CALN1: variants seen among roughly 807,000 people sequenced by gnomAD.
CALN1 encodes calneuron 1.
Under a neutral mutation model 30.6 loss-of-function variants are expected in CALN1, and 17 were observed. The ratio of observed to expected loss-of-function variants is 0.56; its 90% CI spans 0.38 to 0.83. CALN1 has a LOEUF of 0.83. Ranked by LOEUF, CALN1 falls within the 40% of genes least tolerant of loss-of-function variation. The pLI, the probability that CALN1 is intolerant of heterozygous loss-of-function variation, is 0.00. For synonymous variants in CALN1, 156 were observed against 131.4 expected, an observed-to-expected ratio of 1.19 and a Z score of -1.28; for missense variants, 291 against 354.9, an observed-to-expected ratio of 0.82 and a Z score of 1.45.
chr7:72,499,043 T>A, the CALN1 span, among the ~76,000 whole-genome samples: 356 of 152,270 alleles, frequency 2.3e-3, 5 homozygotes, highest in African/African-American at 8.2e-3. Context: ...AGGAATAATT[T>A]TTTTTGAGAC....
chr7:72,103,649 T>C (rs1806861086), intron 4 of CALN1, among the ~76,000 whole-genome samples: 1 of 151,848 alleles, frequency 6.6e-6, no homozygotes, highest in African/African-American at 2.4e-5. Flanking sequence ...GATTCTTCAA[T>C]CCAAAAACAG....
In CALN1 at chr7:72,411,873, T is replaced by A. The variant is rs530830908; in HGVS notation, c.-74+185A>T. Among the ~76,000 whole-genome samples, 17 of 152,322 alleles carry A rather than the reference T, an allele frequency of 1.1e-4. No homozygotes were observed. In the East Asian group the frequency reaches 3.3e-3, roughly 29 times the overall value. On this transcript the variant is annotated intron_variant, in intron 1 of 6. Transcript: ENST00000395275. Reference sequence around the variant, plus strand: ...ATTATATTCCAGGATAACCAAATAGTTGATGAAGCAACTCTCTTTTAGAGA... The same window carrying A: ...ATTATATTCCAGGATAACCAAATAGATGATGAAGCAACTCTCTTTTAGAGA...
At position 72,197,178 on chromosome 7, in the gene CALN1, CTTTTTTT is replaced by C. The variant is rs386410439; in HGVS notation, c.244+81501_244+81507del. Among the ~76,000 whole-genome samples the C allele has an allele frequency of 6.9e-4, 44 of 64,220 alleles. No individual in the cohort carries two copies. The Admixed American group carries it at 7.0e-3, about 10-fold the overall frequency. 42.1% of individuals were successfully genotyped at this position (64,220 alleles called of 152,430 possible). On this transcript the variant is annotated intron_variant, in intron 3 of 6. Transcript: ENST00000395275. ...TTTTCATTGTCAAATGGAAGGTTTGCTTTTTTTTTTTTTTTTTTTTTTTTGAGACAGA... is the reference window on the plus strand; with the variant it reads ...TTTTCATTGTCAAATGGAAGGTTTGCTTTTTTTTTTTTTTTTTGAGACAGA...
At position 71,779,562 on chromosome 7, in the gene CALN1, T is replaced by C. The variant is rs1480200195; in HGVS notation, c.*8213A>G. The C allele has an allele frequency of 6.6e-6, 1 of 152,200 alleles. No individual in the cohort carries two copies. Among genetic ancestry groups the C allele is most frequent in the African/African-American group, 2.4e-5 (1 of 41,450 alleles). 9.4% of individuals were successfully genotyped at this position (152,200 alleles called of 1,614,324 possible). A position where few individuals can be genotyped will look rare whatever the true frequency, so the allele number is the denominator to read the frequency against. ...TAAATTAGACTCTTTTTATACAGAT[T>C]ATATATTTACAGACAAGTTCGGTTA... On this transcript the variant is annotated 3_prime_UTR_variant, in exon 7 of 7. Coordinates refer to ENST00000395275, the MANE Select transcript of CALN1 (RefSeq NM_031468.4).
At chr7:72,411,032 G>C (rs981527649) in intron 1 of CALN1, among the ~76,000 whole-genome samples, 3 of 152,080 alleles carry the variant, frequency 2.0e-5, no homozygotes, top group Admixed American at 2.0e-4. Context: ...CAAATAATAG[G>C]TGAATTTAGT....
rs143064351 is a variant in CALN1 at position 72,001,947 on chromosome 7, A to G, written c.501+21710T>C. On this transcript the variant is annotated intron_variant, in intron 5 of 6. Transcript: ENST00000395275. ...AACTAAAGAAGAAAATCATATAACC[A>G]TATCAAGTGAAACAGAAAAAACATC... Among the ~76,000 whole-genome samples the G allele has an allele frequency of 1.6e-4, 25 of 152,276 alleles. No homozygotes were observed. The East Asian group carries it at 4.4e-3, about 27-fold the overall frequency.
At chr7:71,975,928 G>T (rs1182441384) in intron 5 of CALN1, among the ~76,000 whole-genome samples, 1 of 146,836 alleles carries the variant, frequency 6.8e-6, no homozygotes, top group South Asian at 2.4e-4. Context: ...CATTACTTTT[G>T]ATGGCAAAAA....
chr7:72,324,559 A>AATTTTATTT lies in CALN1; in HGVS notation c.120-45750_120-45749insAAATAAAAT, dbSNP rs957219161. Among the ~76,000 whole-genome samples, 711 of 129,962 alleles carry AATTTTATTT rather than the reference A, an allele frequency of 5.5e-3. 8 individuals are homozygous for AATTTTATTT. The highest frequency in any genetic ancestry group is 0.018 in the East Asian group (90 of 4,866). 85.3% of individuals were successfully genotyped at this position (129,962 alleles called of 152,430 possible). On this transcript the variant is annotated intron_variant, in intron 2 of 6. Coordinates refer to ENST00000395275, the MANE Select transcript of CALN1 (RefSeq NM_031468.4). ...CTTTTTCCCTCCTTTTAAATGATGTAATTTATTTATTTATTTATTTATTTA... is the reference window on the plus strand; with the variant it reads ...CTTTTTCCCTCCTTTTAAATGATGTAATTTTATTTATTTATTTATTTATTTATTTATTTA...
chr7:71,825,793 G>T (rs148418142), intron 5 of CALN1, among the ~76,000 whole-genome samples: 23 of 152,178 alleles, frequency 1.5e-4, no homozygotes, highest in Admixed American at 5.2e-4. Context: ...ATCACTCTGA[G>T]AGGCCGAGGC....
chr7:72,224,430 T>G (rs1793524984), intron 3 of CALN1, among the ~76,000 whole-genome samples: 1 of 152,138 alleles, frequency 6.6e-6, no homozygotes, highest in Non-Finnish European at 1.5e-5. Context: ...TTAATGCTGT[T>G]ACTCATGTTC....
chr7:71,854,054 T>A (rs897646980), intron 5 of CALN1, among the ~76,000 whole-genome samples: 5 of 152,176 alleles, frequency 3.3e-5, no homozygotes, highest in Non-Finnish European at 7.3e-5. Flanking sequence ...AATTTGTGTG[T>A]GTGTGTGTGT....
chr7:72,099,496 C>T (rs1219682892), intron 4 of CALN1, among the ~76,000 whole-genome samples: 2 of 151,440 alleles, frequency 1.3e-5, no homozygotes, highest in Non-Finnish European at 2.9e-5. Context: ...CTCAAAAGGC[C>T]CCACTAAGGA....
At chr7:72,149,607 C>A (rs1488518263) in intron 3 of CALN1, among the ~76,000 whole-genome samples, 2 of 152,170 alleles carry the variant, frequency 1.3e-5, no homozygotes, top group East Asian at 1.9e-4. Flanking sequence ...CCTCCCCTCA[C>A]CGTTCCCCAC....
At chr7:71,795,814 C>CTTTTTTTTTTTTTT (rs55667543) in intron 6 of CALN1, among the ~76,000 whole-genome samples, 4 of 98,546 alleles carry the variant, frequency 4.1e-5, no homozygotes, top group African/African-American at 1.8e-4. Flanking sequence ...GTACTTCATT[C>CTTTTTTTTTTTTTT]TTTTTTTTTT....
chr7:71,959,563 G>C (rs749360965), intron 5 of CALN1, among the ~76,000 whole-genome samples: 3 of 151,752 alleles, frequency 2.0e-5, no homozygotes, highest in Non-Finnish European at 2.9e-5. Context: ...AGATAGAAGA[G>C]ACTTGGAGTT....
At chr7:72,278,016 G>C (rs1012114251) in intron 3 of CALN1, among the ~76,000 whole-genome samples, 1 of 136,282 alleles carries the variant, frequency 7.3e-6, no homozygotes, top group Non-Finnish European at 1.6e-5. Flanking sequence ...TCCGGGGGGG[G>C]GGGACTTGTT....
At chr7:72,328,191 C>T (rs1313463555) in intron 2 of CALN1, among the ~76,000 whole-genome samples, 3 of 152,108 alleles carry the variant, frequency 2.0e-5, no homozygotes, top group Non-Finnish European at 1.5e-5. Context: ...GGCACCTTGT[C>T]AAAACATGTA....
chr7:71,940,066 CCT>C (rs1346645298), intron 5 of CALN1, among the ~76,000 whole-genome samples: 1 of 151,530 alleles, frequency 6.6e-6, no homozygotes, highest in African/African-American at 2.4e-5. Context: ...TGCAGTTTTC[CCT>C]CTCTTCAAAG....
intron 2 of CALN1, among the ~76,000 whole-genome samples, chr7:72,315,403 A>C (rs1301234727): frequency 6.6e-6 from 1 of 152,180 alleles, no homozygotes; most frequent in Non-Finnish European, 1.5e-5. Context: ...CTCACTTATA[A>C]TCTCAGAAAT....
Sources: allele counts gnomAD v4.1 joint callset (sites outside exome capture counted in the v4.1 genomes callset), GRCh38; gene constraint gnomAD v4.1.1; transcripts MANE v1.5; gene names NCBI Gene and HGNC (gene_info 2026-07-23, HGNC 2026-07-21).